Variants in EFHB observed in about 807,000 individuals in gnomAD.
The protein encoded by EFHB is EF-hand domain-containing family member B.
EFHB carries 91 observed loss-of-function variants against 87.2 expected under a neutral mutation model. That is an observed-to-expected ratio of 1.04 (90% CI 0.88 to 1.24). The LOEUF (loss-of-function observed/expected upper bound fraction) is 1.24. EFHB is among the 50% of genes most tolerant of loss of function. The probability of loss-of-function intolerance (pLI) is 0.00; values close to 1 mark genes in which losing one functional copy is unlikely to be tolerated. For missense variants in EFHB, 1,084 were observed against 998.8 expected (o/e 1.09, Z -1.15); for synonymous variants, 325 against 333.6 (o/e 0.97, Z 0.28).
intron 1 of EFHB, among the ~76,000 whole-genome samples, chr3:19,924,191 G>A (rs1249526058): frequency 2.0e-5 from 3 of 151,518 alleles, no homozygotes; most frequent in African/African-American, 7.3e-5. Context: ...ATACTGCAAG[G>A]AAGTTTTCTT....
At chr3:19,902,626 A>C (rs918798731) in intron 6 of EFHB, among the ~76,000 whole-genome samples, 14 of 152,064 alleles carry the variant, frequency 9.2e-5, no homozygotes, top group African/African-American at 3.4e-4. Flanking sequence ...TGCTGGGATT[A>C]CAGGCATGAG....
intron 12 of EFHB, among the ~76,000 whole-genome samples, chr3:19,880,907 T>C (rs2071659117): frequency 6.7e-6 from 1 of 149,970 alleles, no homozygotes; most frequent in African/African-American, 2.5e-5. Flanking sequence ...CTATGAAGCA[T>C]TCAGAAAAAA....
rs747046052 is a variant in EFHB at position 19,891,388 on chromosome 3, C to T, written c.1726-2737G>A. ...GATCCTTTAGAAAAAAAAAATTATTCACCACTCTGTCACCTGAAGCAAAGC... is the reference window on the plus strand; with the variant it reads ...GATCCTTTAGAAAAAAAAAATTATTTACCACTCTGTCACCTGAAGCAAAGC... On this transcript the variant is annotated intron_variant, in intron 9 of 12. Coordinates refer to ENST00000295824, the MANE Select transcript of EFHB (RefSeq NM_144715.4). Among the ~76,000 whole-genome samples, 4 of 152,118 alleles carry T rather than the reference C, an allele frequency of 2.6e-5. No homozygotes were observed. In the South Asian group the frequency reaches 8.3e-4, roughly 32 times the overall value.
upstream of EFHB, chr3:19,934,356 C>T (rs1209361724): frequency 1.2e-6 from 1 of 841,948 alleles, no homozygotes; most frequent in South Asian, 3.1e-5. Flanking sequence ...CTCTGTCTCT[C>T]TCTCTCCCCT....
At chr3:19,908,654 A>AAAAGAT (rs1694952139) in intron 5 of EFHB, among the ~76,000 whole-genome samples, 1 of 148,816 alleles carries the variant, frequency 6.7e-6, no homozygotes, top group African/African-American at 2.5e-5. Context: ...GAAAGAAAGA[A>AAAAGAT]AAAGAAAGTT....
At chr3:19,902,495 C>T (rs529731980) in intron 6 of EFHB, among the ~76,000 whole-genome samples, 1 of 152,154 alleles carries the variant, frequency 6.6e-6, no homozygotes, top group African/African-American at 2.4e-5. Flanking sequence ...GCTGGGACTA[C>T]AGGTGCGTGC....
rs372025208 is a variant in EFHB, at chr3:19,914,410, T to C, written c.1288+893A>G. Among the ~76,000 whole-genome samples, 8 of 152,308 alleles carry C rather than the reference T, an allele frequency of 5.3e-5. No homozygotes were observed. In the South Asian group the frequency reaches 1.0e-3, roughly 20 times the overall value. On this transcript the variant is annotated intron_variant, in intron 5 of 12. Coordinates refer to ENST00000295824, the MANE Select transcript of EFHB (RefSeq NM_144715.4). ...TCCTTTATTATGTCAAGACTTTACT[T>C]AGCATCAACATACTGGCAATTGAGT...
chr3:19,882,505 T>G (rs1158911975), intron 12 of EFHB, 45 bp downstream of exon 12: 1 of 1,413,300 alleles, frequency 7.1e-7, no homozygotes, highest in Non-Finnish European at 9.3e-7. Context: ...ATAGTAGTTG[T>G]TGATAGAGAA....
intron 1 of EFHB, among the ~76,000 whole-genome samples, chr3:19,944,943 A>T (rs1696236438): frequency 1.3e-5 from 2 of 152,214 alleles, no homozygotes; most frequent in Admixed American, 1.3e-4. Flanking sequence ...CTAAGGAGAA[A>T]AGTCCAGGTG....
chr3:19,919,726 T>C (rs1695370814), intron 3 of EFHB, 107 bp downstream of exon 3: 3 of 1,151,386 alleles, frequency 2.6e-6, no homozygotes, highest in African/African-American at 3.1e-5. Flanking sequence ...CTAGTAAAAA[T>C]ATGGGTGGGA....
chr3:19,939,405 T>TAC, intron 1 of EFHB, among the ~76,000 whole-genome samples: 1 of 101,298 alleles, frequency 9.9e-6, no homozygotes, highest in Non-Finnish European at 2.0e-5. Context: ...TTTTTTGGGA[T>TAC]GGAGTCTCAC....
Position 19,888,453 on chromosome 3 carries a change from T to G in EFHB, c.1924A>C (p.Ile642Leu). Residue 642 changes from isoleucine (I) to leucine (L), a missense_variant, in exon 10 of 13, where the codon ATT becomes CTT. Ile to Leu is a conservative substitution (Grantham distance 5). Transcript: ENST00000295824. ...MLLKEYEERV[I>L]IKGRKPDCVN... ...TTCAAAAATTAAATACCTTTAATAA[T>G]GACCCTCTCTTCATACTCTTTAAGA... is the stretch of plus-strand genomic sequence containing the variant. 1 of 1,504,220 alleles carries G rather than the reference T, an allele frequency of 6.6e-7. No individual in the cohort carries two copies. The highest frequency in any genetic ancestry group is 9.0e-7 in the Non-Finnish European group (1 of 1,114,790). The allele number at this position is 1,504,220 out of a possible 1,614,324, so 93.2% of individuals were successfully genotyped here. A position where few individuals can be genotyped will look rare whatever the true frequency, so the allele number is the denominator to read the frequency against.
intron 11 of EFHB, among the ~76,000 whole-genome samples, chr3:19,883,627 A>C (rs1466905139): frequency 6.6e-6 from 1 of 152,176 alleles, no homozygotes; most frequent in African/African-American, 2.4e-5. Context: ...GTGTGACCCT[A>C]TTTGGAAATA....
chr3:19,908,572 G>GAGAA (rs1559459494), intron 5 of EFHB, among the ~76,000 whole-genome samples: 25 of 70,886 alleles, frequency 3.5e-4, no homozygotes, highest in African/African-American at 1.3e-3. Context: ...AAGAGAGAGA[G>GAGAA]AGAGAGAGAG....
intron 8 of EFHB, among the ~76,000 whole-genome samples, chr3:19,897,601 A>G (rs1488611412): frequency 6.6e-6 from 1 of 152,180 alleles, no homozygotes; most frequent in Admixed American, 6.5e-5. Context: ...TTGATGAAAG[A>G]TGTCCTATGT....
At position 19,884,538 on chromosome 3, in the gene EFHB, C is replaced by A. The variant is rs1281572328; in HGVS notation, c.2011G>T (p.Asp671Tyr). 1.9e-6 allele frequency: 3 copies of A among 1,613,948 alleles called. No individual in the cohort carries two copies. Among genetic ancestry groups the A allele is most frequent in the Non-Finnish European group, 2.5e-6 (3 of 1,179,882 alleles). Residue 671 changes from aspartate to tyrosine, a missense_variant, in exon 11 of 13, where the codon GAT (aspartate) becomes TAT (tyrosine). Physicochemically the swap from Asp to Tyr is radical, Grantham distance 160. Transcript: ENST00000295824. ...CTTCCTGCTTCTTTTAAGACAATAT[C>A]TTCTGGCTTTATGAGGAGAGTTTGT... ...PEQTLLIKPEDIVLKEAGSTE... is the reference protein window; with the variant it reads ...PEQTLLIKPEYIVLKEAGSTE...
rs192001749 is a variant in EFHB, at chr3:19,939,471, G to A, written c.-31-3137C>T. 7.6e-4 allele frequency among the ~76,000 whole-genome samples: 99 copies of A among 129,426 alleles called. 2 individuals are homozygous for A. In the East Asian group the frequency reaches 0.025, roughly 32 times the overall value. The allele number at this position is 129,426 out of a possible 152,430, so 84.9% of individuals were successfully genotyped here. On this transcript the variant is annotated intron_variant, in intron 1 of 14. Coordinates refer to the EFHB transcript ENST00000344838. ...GCGATCTTGGCTCACTGCAAGCTCC[G>A]CCTCCCGGGTTCACGCCATTCTCCC...
At chr3:19,939,082 C>G (rs148482694), upstream of EFHB, among the ~76,000 whole-genome samples, 117 of 151,664 alleles carry the variant, frequency 7.7e-4, no homozygotes, top group African/African-American at 2.7e-3. Flanking sequence ...AATTTTTGTA[C>G]TTTCAGTAGA....
chr3:19,918,291 G>C lies in EFHB; in HGVS notation c.1118C>G (p.Pro373Arg). The C allele has an allele frequency of 6.2e-7, 1 of 1,613,032 alleles. No individual in the cohort carries two copies. The highest frequency in any genetic ancestry group is 8.5e-7 in the Non-Finnish European group (1 of 1,179,668). The part of the protein sequence containing the change: ...APLGKSHDQA[P>R]GLPKGMDTTN... ...TGTGTCCATGCCTTTTGGTAATCCTGGTGCTTGATCGTGAGATTTTCCTAA... is the reference window on the plus strand; with the variant it reads ...TGTGTCCATGCCTTTTGGTAATCCTCGTGCTTGATCGTGAGATTTTCCTAA... Residue 373 changes from proline (P) to arginine (R), a missense_variant, in exon 4 of 13, where the codon CCA becomes CGA. Physicochemically the swap from Pro to Arg is moderately radical, Grantham distance 103. Coordinates refer to ENST00000295824, the MANE Select transcript of EFHB (RefSeq NM_144715.4).
Sources: allele counts gnomAD v4.1 joint callset (sites outside exome capture counted in the v4.1 genomes callset), GRCh38; gene constraint gnomAD v4.1.1; transcripts MANE v1.5; gene names NCBI Gene and HGNC (gene_info 2026-07-23, HGNC 2026-07-21).